CNTNAP4: variants seen among roughly 807,000 people sequenced by gnomAD.
CNTNAP4 encodes the protein contactin-associated protein-like 4.
Under a neutral mutation model 148.4 loss-of-function variants are expected in CNTNAP4, and 98 were observed. The ratio of observed to expected loss-of-function variants is 0.66; its 90% confidence interval spans 0.56 to 0.78. The LOEUF is 0.78. CNTNAP4 is among the 30% of genes least tolerant of loss of function. CNTNAP4 has a pLI of 0.00. For synonymous variants in CNTNAP4, 730 were observed against 565.1 expected (o/e 1.29, Z -4.14); for missense variants, 1,935 against 1,565.6 (o/e 1.24, Z -3.98).
At chr16:76,279,370 T>G (rs1265687400) in intron 1 of CNTNAP4, among the ~76,000 whole-genome samples, 2 of 152,218 alleles carry the variant, frequency 1.3e-5, no homozygotes, top group Admixed American at 1.3e-4. Context: ...GTTGTTTATG[T>G]TTGCTTGTTT....
chr16:76,381,825 C>A (rs1245936990), intron 3 of CNTNAP4, among the ~76,000 whole-genome samples: 1 of 151,956 alleles, frequency 6.6e-6, no homozygotes, highest in African/African-American at 2.4e-5. Flanking sequence ...CTTTGGGAGG[C>A]CAAGGTGGAT....
intron 10 of CNTNAP4, among the ~76,000 whole-genome samples, chr16:76,473,634 C>T (rs1378472026): frequency 2.6e-5 from 4 of 151,938 alleles, no homozygotes; most frequent in Non-Finnish European, 4.4e-5. Flanking sequence ...ATTAGCCAAG[C>T]GTGGTGGCAG....
In CNTNAP4 at chr16:76,464,783, C is replaced by T. The variant is rs557854009; in HGVS notation, c.1484-2569C>T. ...TATGCCACACCAGACTTCTCTTATC[C>T]ATCCATCACTTTTTACTCTGTAGCT... On this transcript the variant is annotated intron_variant, in intron 9 of 23. Transcript: ENST00000611870. Among the ~76,000 whole-genome samples, 334 of 152,298 alleles carry T rather than the reference C, an allele frequency of 2.2e-3. 1 individual carries two copies. The highest frequency in any genetic ancestry group is 0.014 in the Middle Eastern group (4 of 294).
intron 4 of CNTNAP4, among the ~76,000 whole-genome samples, chr16:76,447,001 A>G (rs2080272158): frequency 6.6e-6 from 1 of 152,180 alleles, no homozygotes; most frequent in Non-Finnish European, 1.5e-5. Flanking sequence ...ATAAGAAGAA[A>G]TAGCCTTTAA....
At chr16:76,384,637 G>A (rs960080435) in intron 3 of CNTNAP4, among the ~76,000 whole-genome samples, 8 of 152,054 alleles carry the variant, frequency 5.3e-5, no homozygotes, top group East Asian at 3.9e-4. Context: ...AGGAGATTCC[G>A]CGCTCCTCTC....
intron 3 of CNTNAP4, among the ~76,000 whole-genome samples, chr16:76,386,384 T>A (rs1019878954): frequency 1.2e-4 from 19 of 152,278 alleles, no homozygotes; most frequent in East Asian, 1.2e-3. Flanking sequence ...ACACATTTTT[T>A]AAAAAAATTT....
chr16:76,494,802 T>C (rs2082343208), intron 13 of CNTNAP4, 108 bp from the exon 14 acceptor site: 1 of 1,197,830 alleles, frequency 8.3e-7, no homozygotes, highest in Admixed American at 2.3e-5. Context: ...ATCTTTCTCC[T>C]TTTCTCCTTT....
chr16:76,344,147 C>T (rs17766542), intron 2 of CNTNAP4, among the ~76,000 whole-genome samples: 28,476 of 151,962 alleles, frequency 0.19, 3,465 homozygotes, highest in East Asian at 0.47. Flanking sequence ...TTAAAGCCAG[C>T]ATGTATGTAT....
rs779049614 is a variant in CNTNAP4, at chr16:76,448,117, T to C, written c.644T>C (p.Met215Thr). ...KDIISLKFKTMQSDGILLHRE... is the reference protein window; with the variant it reads ...KDIISLKFKTTQSDGILLHRE... ...ATTATTTCTTTGAAATTCAAAACCA[T>C]GCAGAGTGATGGGATTCTACTCCAC... The change falls in exon 5 of 24, where the codon ATG (methionine) becomes ACG (threonine). Residue 215 changes from methionine to threonine, a missense_variant. Coordinates refer to ENST00000611870, the MANE Select transcript of CNTNAP4 (RefSeq NM_033401.5). The C allele has an allele frequency of 1.2e-6, 2 of 1,613,444 alleles. No individual in the cohort carries two copies. Among genetic ancestry groups the C allele is most frequent in the Non-Finnish European group, 1.7e-6 (2 of 1,179,486 alleles).
intron 2 of CNTNAP4, among the ~76,000 whole-genome samples, chr16:76,330,340 T>C (rs1487325032): frequency 6.6e-6 from 1 of 152,230 alleles, no homozygotes; most frequent in African/African-American, 2.4e-5. Flanking sequence ...GCTACTGTAA[T>C]GCAGTTCTTT....
chr16:76,389,495 C>G (rs1233150110), intron 3 of CNTNAP4, among the ~76,000 whole-genome samples: 3 of 152,114 alleles, frequency 2.0e-5, no homozygotes, highest in African/African-American at 7.2e-5. Flanking sequence ...CCTCTTTTGC[C>G]TAGGCTGGAG....
intron 3 of CNTNAP4, 35 bp from the exon 4 acceptor site, chr16:76,427,417 G>C: frequency 6.3e-7 from 1 of 1,578,014 alleles, no homozygotes. Context: ...ATGTTCTCCA[G>C]ATACATTGAT....
In CNTNAP4 at chr16:76,355,469, T is replaced by C. The variant is rs1029547896; in HGVS notation, c.348T>C (p.Ser116=). 4 of 1,612,182 alleles carry C rather than the reference T, an allele frequency of 2.5e-6. No homozygotes were observed. Among genetic ancestry groups the C allele is most frequent in the Non-Finnish European group, 3.4e-6 (4 of 1,179,232 alleles). ...GCTACCTCCTGATGTTCAGTGATAG[T>C]GGCTGGAACTGGAAACAATATCGCC... The part of the protein sequence containing the change: ...VTSYLLMFSD[S]GWNWKQYRQE... Residue 116 remains serine, a synonymous_variant, in exon 3 of 24, where the codon AGT becomes AGC. Transcript: ENST00000611870.
At chr16:76,542,997 A>G (rs1278118039) in intron 21 of CNTNAP4, among the ~76,000 whole-genome samples, 1 of 152,206 alleles carries the variant, frequency 6.6e-6, no homozygotes, top group Non-Finnish European at 1.5e-5. Context: ...GTAGAATAAC[A>G]TTCACTATAT....
chr16:76,458,032 G>A (rs2080802528), intron 8 of CNTNAP4, among the ~76,000 whole-genome samples: 1 of 152,142 alleles, frequency 6.6e-6, no homozygotes, highest in Middle Eastern at 3.2e-3. Flanking sequence ...CCACTTACAA[G>A]TGAGAACATG....
At chr16:76,401,843 C>T (rs997880815) in intron 3 of CNTNAP4, among the ~76,000 whole-genome samples, 2 of 152,210 alleles carry the variant, frequency 1.3e-5, no homozygotes, top group South Asian at 2.1e-4. Context: ...ATGAATCACA[C>T]TTATTGATTT....
intron 3 of CNTNAP4, among the ~76,000 whole-genome samples, chr16:76,367,812 AG>A (rs1240208993): frequency 6.6e-6 from 1 of 152,190 alleles, no homozygotes; most frequent in Non-Finnish European, 1.5e-5. Flanking sequence ...CATCAGCTCC[AG>A]GGGTCCTTCA....
intron 21 of CNTNAP4, among the ~76,000 whole-genome samples, chr16:76,552,733 A>G (rs1275488770): frequency 6.6e-6 from 1 of 152,152 alleles, no homozygotes; most frequent in East Asian, 1.9e-4. Context: ...CCTCCACTGC[A>G]TGATAGTATC....
At chr16:76,534,670 C>T (rs1426393465) in intron 17 of CNTNAP4, among the ~76,000 whole-genome samples, 1 of 152,166 alleles carries the variant, frequency 6.6e-6, no homozygotes, top group Non-Finnish European at 1.5e-5. Flanking sequence ...GCTTTGTTAA[C>T]TGTTGAGATT....
Sources: allele counts gnomAD v4.1 joint callset (sites outside exome capture counted in the v4.1 genomes callset), GRCh38; gene constraint gnomAD v4.1.1; transcripts MANE v1.5; gene names NCBI Gene and HGNC (gene_info 2026-07-23, HGNC 2026-07-21).